The following ENOX1 variants were observed in gnomAD, a reference collection of about 807,000 sequenced individuals.
The protein encoded by ENOX1 is candidate growth-related and time keeping constitutive hydroquinone (NADH) oxidase.
ENOX1 carries 42 observed loss-of-function variants against 82.5 expected under a neutral mutation model. The observed-to-expected ratio is 0.51, with a 90% CI of 0.40 to 0.66. The LOEUF is 0.66. Ranked by LOEUF, ENOX1 falls within the 30% of genes least tolerant of loss-of-function variation. The probability of loss-of-function intolerance (pLI) is 0.00; values close to 1 mark genes in which losing one functional copy is unlikely to be tolerated. For missense variants in ENOX1, 608 were observed against 811.6 expected, an observed-to-expected ratio of 0.75 and a Z score of 3.05; for synonymous variants, 271 against 282.2, an observed-to-expected ratio of 0.96 and a Z score of 0.40.
At position 43,445,316 on chromosome 13, in the gene ENOX1, G is replaced by A. The variant is rs2056583870; in HGVS notation, c.-74-32328C>T. Among the ~76,000 whole-genome samples, 11 of 151,978 alleles carry A rather than the reference G, an allele frequency of 7.2e-5. No individual in the cohort carries two copies. In the South Asian group the frequency reaches 2.1e-3, roughly 29 times the overall value. ...TTTTTTGTATTTTTAGTAGAGATGG[G>A]GTTTCACCGTGTTAGCCAGGATGGT... On this transcript the variant is annotated intron_variant, in intron 3 of 16. Coordinates refer to ENST00000690772, the MANE Select transcript of ENOX1 (RefSeq NM_001347969.2).
At chr13:43,386,343 T>C (rs1289714103) in intron 5 of ENOX1, among the ~76,000 whole-genome samples, 1 of 152,194 alleles carries the variant, frequency 6.6e-6, no homozygotes, top group Non-Finnish European at 1.5e-5. Context: ...GTCGTTGTTT[T>C]CCCAAGAGCA....
intron 3 of ENOX1, among the ~76,000 whole-genome samples, chr13:43,440,145 C>T (rs1267176548): frequency 6.6e-6 from 1 of 152,168 alleles, no homozygotes; most frequent in Non-Finnish European, 1.5e-5. Context: ...AGAAGCTAAA[C>T]CTCGTTCCTG....
At chr13:43,664,035 G>C (rs2153787042) in intron 2 of ENOX1, among the ~76,000 whole-genome samples, 1 of 152,224 alleles carries the variant, frequency 6.6e-6, no homozygotes, top group South Asian at 2.1e-4. Context: ...ACTGATTTGT[G>C]TACAAAAATT....
At chr13:43,708,452 C>G (rs1451217088) in intron 1 of ENOX1, among the ~76,000 whole-genome samples, 1 of 152,096 alleles carries the variant, frequency 6.6e-6, no homozygotes, top group Admixed American at 6.5e-5. Context: ...TCCTTTTGTT[C>G]CTGCTCTAAA....
intron 2 of ENOX1, among the ~76,000 whole-genome samples, chr13:43,592,750 T>C (rs1311658548): frequency 6.6e-6 from 1 of 152,188 alleles, no homozygotes; most frequent in East Asian, 1.9e-4. Flanking sequence ...TGCATTGATA[T>C]TTGCCAGATT....
At chr13:43,409,378 T>C (rs2053984666) in intron 5 of ENOX1, among the ~76,000 whole-genome samples, 6 of 152,044 alleles carry the variant, frequency 3.9e-5, no homozygotes, top group Admixed American at 3.9e-4. Context: ...CATAAAAATG[T>C]CCACTGCAAT....
intron 5 of ENOX1, among the ~76,000 whole-genome samples, chr13:43,403,851 T>A (rs577450653): frequency 3.9e-4 from 58 of 149,106 alleles, no homozygotes; most frequent in South Asian, 1.1e-3. Flanking sequence ...AAAAAAAAAA[T>A]AAATAAATAA....
chr13:43,481,050 G>A (rs1364823524), intron 3 of ENOX1, among the ~76,000 whole-genome samples: 2 of 152,060 alleles, frequency 1.3e-5, no homozygotes, highest in Non-Finnish European at 2.9e-5. Context: ...AAAACTACAG[G>A]CCAATATCCC....
chr13:43,759,097 C>CTTTTT (rs3044251), intron 1 of ENOX1, among the ~76,000 whole-genome samples: 7 of 122,422 alleles, frequency 5.7e-5, no homozygotes, highest in Non-Finnish European at 8.1e-5. Context: ...TGATAAGTTT[C>CTTTTT]TTTTTTTTTT....
At chr13:43,540,432 C>T (rs2078656157) in intron 2 of ENOX1, among the ~76,000 whole-genome samples, 1 of 151,584 alleles carries the variant, frequency 6.6e-6, no homozygotes, top group Non-Finnish European at 1.5e-5. Flanking sequence ...CAGTTTCAGA[C>T]AAGTTGAAAA....
intron 5 of ENOX1, among the ~76,000 whole-genome samples, chr13:43,383,915 A>C (rs1365863885): frequency 6.6e-6 from 1 of 152,148 alleles, no homozygotes; most frequent in Non-Finnish European, 1.5e-5. Flanking sequence ...AGGTGTTTTC[A>C]CACCTTTCTA....
At chr13:43,488,523 G>A (rs4942233) in intron 2 of ENOX1, among the ~76,000 whole-genome samples, 148,868 of 152,292 alleles carry the variant, frequency 0.98, 72,856 homozygotes, top group East Asian at 1. Flanking sequence ...AGAAATTGGT[G>A]CCAGAAGAAT....
chr13:43,561,973 A>G (rs1012771950), intron 2 of ENOX1, among the ~76,000 whole-genome samples: 2 of 141,612 alleles, frequency 1.4e-5, no homozygotes, highest in Non-Finnish European at 3.1e-5. Context: ...TGTCAAAAAA[A>G]AGGAAGGAAG....
chr13:43,622,030 C>T (rs943599290), intron 2 of ENOX1, among the ~76,000 whole-genome samples: 1 of 152,156 alleles, frequency 6.6e-6, no homozygotes. Flanking sequence ...CTTTCTTCTA[C>T]TTGTTCAATT....
chr13:43,614,493 GCAAA>G (rs541614294), intron 2 of ENOX1, among the ~76,000 whole-genome samples: 2 of 149,850 alleles, frequency 1.3e-5, no homozygotes, highest in African/African-American at 2.5e-5. Flanking sequence ...AGCTAAAAGT[GCAAA>G]CAGTCTGCCT....
chr13:43,311,970 T>G (rs187264694), intron 11 of ENOX1, among the ~76,000 whole-genome samples: 21 of 152,314 alleles, frequency 1.4e-4, no homozygotes, highest in African/African-American at 5.1e-4. Context: ...AACAACTGAC[T>G]GGTAAATCAC....
Position 43,361,336 on chromosome 13 carries a change from C to A in ENOX1, c.325G>T (p.Ala109Ser), listed in dbSNP as rs761261813. 6.2e-7 allele frequency: 1 copy of A among 1,614,002 alleles called. No individual in the cohort carries two copies. Among genetic ancestry groups the A allele is most frequent in the Admixed American group, 1.7e-5 (1 of 60,006 alleles). The part of the protein sequence containing the change: ...LVPPPPPTEV[A>S]VVKEIIHCKS... Reference sequence around the variant, plus strand: ...CAGTGGATTATTTCTTTGACAACAGCCACTTCTGTTGGTGGTGGGGGAGGT... The same window carrying A: ...CAGTGGATTATTTCTTTGACAACAGACACTTCTGTTGGTGGTGGGGGAGGT... The change falls in exon 6 of 17, where the codon GCT becomes TCT. Residue 109 changes from alanine (A) to serine (S), a missense_variant. By Grantham distance (99) the Ala-to-Ser change is moderately conservative. Coordinates refer to ENST00000690772, the MANE Select transcript of ENOX1 (RefSeq NM_001347969.2).
chr13:43,504,599 T>C (rs1368820026), intron 2 of ENOX1, among the ~76,000 whole-genome samples: 1 of 151,592 alleles, frequency 6.6e-6, no homozygotes, highest in African/African-American at 2.4e-5. Context: ...ACTACTAATA[T>C]GAGGAATCTA....
chr13:43,440,248 A>C (rs2056287080), intron 3 of ENOX1, among the ~76,000 whole-genome samples: 1 of 152,164 alleles, frequency 6.6e-6, no homozygotes, highest in Non-Finnish European at 1.5e-5. Flanking sequence ...ATCAATTCTA[A>C]CAGTTAGACA....
Sources: gnomAD v4.1 joint callset for allele counts (sites outside exome capture counted in the v4.1 genomes callset) on GRCh38, gnomAD v4.1.1 for gene constraint, MANE v1.5 for transcripts, NCBI Gene and HGNC (gene_info 2026-07-23, HGNC 2026-07-21) for gene names.